The following ACSL3 variants were observed in gnomAD, a reference collection of about 807,000 sequenced individuals.
The protein encoded by ACSL3 is acyl-CoA synthetase long chain family member 3.
ACSL3 carries 34 observed loss-of-function variants against 84.7 expected under a neutral mutation model. The observed-to-expected ratio is 0.40, with a 90% CI of 0.31 to 0.53. The LOEUF (loss-of-function observed/expected upper bound fraction) is 0.53. Among genes scored for constraint, ACSL3 ranks in the 20% least tolerant of loss-of-function variants. The pLI, the probability that ACSL3 is intolerant of heterozygous loss-of-function variation, is 0.48. For synonymous variants in ACSL3, 315 were observed against 299.4 expected (o/e 1.05, Z -0.54); for missense variants, 680 against 873.1 (o/e 0.78, Z 2.79).
chr2:222,878,497 G>T (rs1386895243), intron 1 of ACSL3, among the ~76,000 whole-genome samples: 1 of 152,136 alleles, frequency 6.6e-6, no homozygotes, highest in Non-Finnish European at 1.5e-5. Flanking sequence ...GGCTTCTAGG[G>T]CACTGTTTCC....
At chr2:222,863,518 G>GTCCTCTAATTAGCT (rs1294420213) in intron 1 of ACSL3, among the ~76,000 whole-genome samples, 1 of 152,190 alleles carries the variant, frequency 6.6e-6, no homozygotes, top group African/African-American at 2.4e-5. Context: ...AGCTTAAATA[G>GTCCTCTAATTAGCT]TCCTCTAATA....
chr2:222,873,934 A>G (rs149584676), intron 1 of ACSL3, among the ~76,000 whole-genome samples: 113 of 152,330 alleles, frequency 7.4e-4, no homozygotes, highest in East Asian at 2.7e-3. Context: ...AAAAATTACA[A>G]TTGCTTCCCA....
intron 8 of ACSL3, 95 bp downstream of exon 8, chr2:222,921,525 T>G (rs891385505): frequency 1.5e-5 from 19 of 1,233,760 alleles, no homozygotes; most frequent in Non-Finnish European, 2.0e-5. Context: ...GCTAAATTAG[T>G]CCCTCAGAGT....
intron 15 of ACSL3, among the ~76,000 whole-genome samples, chr2:222,934,167 T>A (rs1697110044): frequency 6.6e-6 from 1 of 152,238 alleles, no homozygotes; most frequent in African/African-American, 2.4e-5. Context: ...TATGTTAAAT[T>A]TTAGTTTTTT....
At chr2:222,862,367 A>G (rs761868243) in intron 1 of ACSL3, among the ~76,000 whole-genome samples, 2 of 152,040 alleles carry the variant, frequency 1.3e-5, no homozygotes, top group African/African-American at 2.4e-5. Flanking sequence ...TAAGCACTAT[A>G]TTTTGCTGCC....
chr2:222,922,063 G>A (rs966584431), intron 8 of ACSL3, among the ~76,000 whole-genome samples: 4 of 152,088 alleles, frequency 2.6e-5, no homozygotes, highest in African/African-American at 4.8e-5. Flanking sequence ...TGTCTCTTAC[G>A]TATGCATACA....
Position 222,902,855 on chromosome 2 carries a change from G to C in ACSL3, c.-41+2075G>C, listed in dbSNP as rs149814625. On this transcript the variant is annotated intron_variant, in intron 3 of 16. Coordinates refer to ENST00000357430, the MANE Select transcript of ACSL3 (RefSeq NM_004457.5). Reference sequence around the variant, plus strand: ...GAAAGAATCAGTCAGGAAACGGTGGGCAAACTGGGACAGACTTTCTCCCTC... The same window carrying C: ...GAAAGAATCAGTCAGGAAACGGTGGCCAAACTGGGACAGACTTTCTCCCTC... Among the ~76,000 whole-genome samples the C allele has an allele frequency of 3.1e-3, 479 of 152,276 alleles. 6 individuals carry two copies. Among genetic ancestry groups the C allele is most frequent in the African/African-American group, 0.011 (464 of 41,550 alleles).
rs981620643 is a variant in ACSL3, at chr2:222,892,950, C to T, written c.-148+5062C>T. Among the ~76,000 whole-genome samples, 40 of 152,280 alleles carry T rather than the reference C, an allele frequency of 2.6e-4. 1 individual carries two copies. The highest frequency in any genetic ancestry group is 5.5e-4 in the African/African-American group (23 of 41,554). Reference sequence around the variant, plus strand: ...CAGCCACATTTCATACTAGCAAATACGGATTCCTTGATATCCAGCATTGTG... The same window carrying T: ...CAGCCACATTTCATACTAGCAAATATGGATTCCTTGATATCCAGCATTGTG... On this transcript the variant is annotated intron_variant, in intron 2 of 16. Transcript: ENST00000357430.
chr2:222,867,622 A>C (rs1695185726), intron 1 of ACSL3, among the ~76,000 whole-genome samples: 1 of 152,114 alleles, frequency 6.6e-6, no homozygotes, highest in African/African-American at 2.4e-5. Flanking sequence ...GTTCATGTAG[A>C]TTTAGGTCAT....
At chr2:222,941,359 A>G (rs773406720) in intron 16 of ACSL3, 138 bp from the exon 17 acceptor site, 52 of 631,586 alleles carry the variant, frequency 8.2e-5, no homozygotes, top group Non-Finnish European at 1.3e-4. Context: ...ATTTTGAGGA[A>G]TAGATTCTTT....
chr2:222,902,998 C>T (rs1303241793), intron 3 of ACSL3, among the ~76,000 whole-genome samples: 4 of 152,152 alleles, frequency 2.6e-5, no homozygotes, highest in Non-Finnish European at 4.4e-5. Context: ...ATTTGTCTGC[C>T]TCCAGCCTCT....
rs764188800 is a variant in ACSL3 at position 222,933,200 on chromosome 2, G to A, written c.1767G>A (p.Gly589=). 19 of 1,613,784 alleles carry A rather than the reference G, an allele frequency of 1.2e-5. No individual in the cohort carries two copies. The highest frequency in any genetic ancestry group is 1.6e-5 in the Non-Finnish European group (19 of 1,179,896). Residue 589 remains glycine (G), a synonymous_variant, in exon 15 of 17, where the codon GGG becomes GGA. Transcript: ENST00000357430. ...RKKDLVKLQA[G]EYVSLGKVEA... ...AGGACCTTGTAAAACTACAGGCAGG[G>A]GAATATGTTTCTCTTGGGAAAGTAG...
At chr2:222,904,105 C>T (rs1423146872) in intron 3 of ACSL3, among the ~76,000 whole-genome samples, 1 of 152,154 alleles carries the variant, frequency 6.6e-6, no homozygotes, top group African/African-American at 2.4e-5. Flanking sequence ...AACCCCGTCT[C>T]TACTAAAAAT....
intron 1 of ACSL3, among the ~76,000 whole-genome samples, chr2:222,881,703 A>G (rs1348520542): frequency 6.6e-6 from 1 of 152,098 alleles, no homozygotes. Flanking sequence ...TTTAGTAGAG[A>G]TGGGGTTTCA....
chr2:222,890,340 A>G lies in ACSL3; in HGVS notation c.-148+2452A>G, dbSNP rs998938289. Among the ~76,000 whole-genome samples the G allele has an allele frequency of 3.9e-5, 6 of 152,328 alleles. No individual in the cohort carries two copies. The East Asian group carries it at 1.2e-3, about 29-fold the overall frequency. ...AAATCGTTGAAATTAAAGAAAATAT[A>G]TTCTGGGTAGACTTAGCTTGCAAAA... is the stretch of plus-strand genomic sequence containing the variant. On this transcript the variant is annotated intron_variant, in intron 2 of 16. Coordinates refer to ENST00000357430, the MANE Select transcript of ACSL3 (RefSeq NM_004457.5).
chr2:222,940,722 T>A (rs1697282524), intron 16 of ACSL3, among the ~76,000 whole-genome samples: 1 of 152,194 alleles, frequency 6.6e-6, no homozygotes, highest in African/African-American at 2.4e-5. Context: ...GTAGGCTAGA[T>A]AATGCAGCCT....
chr2:222,930,324 T>G (rs1488032941), intron 13 of ACSL3, among the ~76,000 whole-genome samples: 2 of 152,094 alleles, frequency 1.3e-5, no homozygotes, highest in Non-Finnish European at 2.9e-5. Context: ...TGCAGAATCT[T>G]TCAAATAATT....
At chr2:222,882,461 G>C (rs1035184632) in intron 1 of ACSL3, among the ~76,000 whole-genome samples, 4 of 152,006 alleles carry the variant, frequency 2.6e-5, no homozygotes, top group African/African-American at 7.3e-5. Flanking sequence ...TCCATGGACA[G>C]GGGTCGAGGA....
intron 1 of ACSL3, among the ~76,000 whole-genome samples, chr2:222,877,025 C>CA (rs1320226681): frequency 1.3e-5 from 2 of 152,066 alleles, no homozygotes; most frequent in East Asian, 3.9e-4. Flanking sequence ...GGAGATGGGA[C>CA]CCAGGGGACA....
Sources: gnomAD v4.1 joint callset for allele counts (sites outside exome capture counted in the v4.1 genomes callset) on GRCh38, gnomAD v4.1.1 for gene constraint, MANE v1.5 for transcripts, NCBI Gene and HGNC (gene_info 2026-07-23, HGNC 2026-07-21) for gene names.